SOX5: variants seen among roughly 807,000 people sequenced by gnomAD.
SOX5 encodes the protein transcription factor SOX-5.
Under a neutral mutation model 92.0 loss-of-function variants are expected in SOX5, and 9 were observed. The observed-to-expected ratio is 0.10, with a 90% CI of 0.06 to 0.17. SOX5 has a LOEUF of 0.17. Among genes scored for constraint, SOX5 ranks in the 10% least tolerant of loss-of-function variants. SOX5 has a pLI of 1.00. For missense variants in SOX5, 642 were observed against 944.5 expected, an observed-to-expected ratio of 0.68 and a Z score of 4.20; for synonymous variants, 344 against 336.3, an observed-to-expected ratio of 1.02 and a Z score of -0.25.
chr12:24,140,184 C>T (rs901565948), intron 4 of SOX5, among the ~76,000 whole-genome samples: 29 of 151,844 alleles, frequency 1.9e-4, no homozygotes, highest in African/African-American at 5.1e-4. Context: ...CAATGCTGAC[C>T]GGTTGGCATT....
chr12:23,686,543 A>G (rs2087623407), intron 6 of SOX5, among the ~76,000 whole-genome samples: 2 of 152,186 alleles, frequency 1.3e-5, no homozygotes, highest in Non-Finnish European at 1.5e-5. Flanking sequence ...TGGGCTCTCA[A>G]ACTGATTTTA....
At chr12:24,007,015 C>A (rs1952264786) in intron 4 of SOX5, among the ~76,000 whole-genome samples, 1 of 150,604 alleles carries the variant, frequency 6.6e-6, no homozygotes, top group Non-Finnish European at 1.5e-5. Flanking sequence ...TGTCTGTAAT[C>A]CCAGCTACTC....
intron 2 of SOX5, among the ~76,000 whole-genome samples, chr12:23,890,598 T>A (rs765858364): frequency 1.3e-5 from 2 of 152,126 alleles, no homozygotes; most frequent in Non-Finnish European, 2.9e-5. Context: ...CAGCTGCTTC[T>A]GATATTGCTA....
intron 2 of SOX5, among the ~76,000 whole-genome samples, chr12:23,877,896 T>TAA (rs1267564304): frequency 6.6e-6 from 1 of 152,038 alleles, no homozygotes. Context: ...TATTAGTATA[T>TAA]AAAAAAGTTT....
At chr12:23,870,455 C>T (rs1345775230) in intron 2 of SOX5, among the ~76,000 whole-genome samples, 5 of 152,028 alleles carry the variant, frequency 3.3e-5, no homozygotes, top group Admixed American at 3.3e-4. Flanking sequence ...ACCTAGAGGC[C>T]TTTCAAATTC....
At chr12:24,435,157 A>C (rs1053831167) in intron 1 of SOX5, among the ~76,000 whole-genome samples, 2 of 152,226 alleles carry the variant, frequency 1.3e-5, no homozygotes, top group Non-Finnish European at 2.9e-5. Flanking sequence ...AGGGAAAAAA[A>C]GTATACAGAG....
intron 1 of SOX5, among the ~76,000 whole-genome samples, chr12:24,495,179 A>G (rs1762260671): frequency 6.6e-6 from 1 of 152,204 alleles, no homozygotes; most frequent in Non-Finnish European, 1.5e-5. Flanking sequence ...TTTGGCTACA[A>G]CTACAGAACT....
intron 1 of SOX5, among the ~76,000 whole-genome samples, chr12:24,385,059 T>G (rs541877863): frequency 1.1e-4 from 16 of 152,186 alleles, no homozygotes; most frequent in Non-Finnish European, 1.9e-4. Flanking sequence ...CATATAATTT[T>G]ATTATGGTAT....
chr12:23,997,311 A>G (rs1951124050), intron 4 of SOX5, among the ~76,000 whole-genome samples: 1 of 152,150 alleles, frequency 6.6e-6, no homozygotes, highest in African/African-American at 2.4e-5. Context: ...AGAAGAAATA[A>G]TTTGGAGCTA....
chr12:24,173,788 G>A (rs765589498), intron 4 of SOX5, among the ~76,000 whole-genome samples: 3 of 152,122 alleles, frequency 2.0e-5, no homozygotes, highest in Admixed American at 2.0e-4. Context: ...AACGTCCACT[G>A]TAAATTCTGA....
chr12:23,548,106 G>A (rs781524715), intron 11 of SOX5, among the ~76,000 whole-genome samples: 2 of 152,048 alleles, frequency 1.3e-5, no homozygotes, highest in South Asian at 2.1e-4. Flanking sequence ...AGGAATGTAC[G>A]GGGCTTGGAT....
At chr12:24,306,779 C>T (rs1468474734) in intron 2 of SOX5, among the ~76,000 whole-genome samples, 1 of 152,112 alleles carries the variant, frequency 6.6e-6, no homozygotes, top group Non-Finnish European at 1.5e-5. Flanking sequence ...GATAGCCACC[C>T]TTCTACTCCT....
intron 3 of SOX5, among the ~76,000 whole-genome samples, chr12:23,769,169 C>A (rs937804552): frequency 2.0e-5 from 3 of 152,036 alleles, no homozygotes; most frequent in African/African-American, 7.2e-5. Flanking sequence ...GCAGCAAAGC[C>A]AAATCTCCAA....
intron 1 of SOX5, among the ~76,000 whole-genome samples, chr12:23,906,972 A>T (rs913948317): frequency 2.0e-5 from 3 of 152,012 alleles, no homozygotes; most frequent in African/African-American, 7.2e-5. Flanking sequence ...TGAAATGCTT[A>T]CCCATTCTCA....
At chr12:23,640,723 C>T (rs921665358) in intron 8 of SOX5, 89 bp downstream of exon 8, 29 of 857,482 alleles carry the variant, frequency 3.4e-5, no homozygotes, top group East Asian at 1.2e-4. Flanking sequence ...ACGAATATCA[C>T]GAGTCAGTTT....
chr12:24,011,635 G>C (rs1238513132), intron 4 of SOX5, among the ~76,000 whole-genome samples: 1 of 152,076 alleles, frequency 6.6e-6, no homozygotes, highest in Non-Finnish European at 1.5e-5. Flanking sequence ...TTCTTGCTGT[G>C]CCTACAACCT....
intron 4 of SOX5, among the ~76,000 whole-genome samples, chr12:23,968,955 C>A (rs1042126853): frequency 1.3e-5 from 2 of 152,138 alleles, no homozygotes; most frequent in African/African-American, 4.8e-5. Flanking sequence ...TCAGACACCT[C>A]TTCTAAATTT....
At chr12:23,602,962 T>A (rs370545221) in intron 9 of SOX5, among the ~76,000 whole-genome samples, 5 of 152,202 alleles carry the variant, frequency 3.3e-5, no homozygotes, top group African/African-American at 1.2e-4. Context: ...ACAACTGAAA[T>A]AGATCTTCAA....
chr12:24,102,955 A>G (rs566062587), intron 4 of SOX5, among the ~76,000 whole-genome samples: 1 of 152,352 alleles, frequency 6.6e-6, no homozygotes, highest in East Asian at 1.9e-4. Context: ...GAAAATTACA[A>G]TGACAAGGTT....
Sources: allele counts gnomAD v4.1 joint callset (sites outside exome capture counted in the v4.1 genomes callset), GRCh38; gene constraint gnomAD v4.1.1; transcripts MANE v1.5; gene names NCBI Gene and HGNC (gene_info 2026-07-23, HGNC 2026-07-21).